Variants in DBF4 observed in about 807,000 individuals in gnomAD.
The protein encoded by DBF4 is DBF4-CDC7 kinase regulatory subunit.
DBF4 carries 25 observed loss-of-function variants against 76.6 expected under a neutral mutation model. That is an observed-to-expected ratio of 0.33 (90% CI 0.24 to 0.46). DBF4 has a LOEUF of 0.46. Ranked by LOEUF, DBF4 falls within the 20% of genes least tolerant of loss-of-function variation. DBF4 has a pLI of 1.00. For synonymous variants in DBF4, 213 were observed against 258.0 expected (o/e 0.83, Z 1.67); for missense variants, 638 against 760.8 (o/e 0.84, Z 1.90).
At chr7:87,887,467 A>G in intron 5 of DBF4, 69 bp downstream of exon 5, 1 of 1,461,150 alleles carries the variant, frequency 6.8e-7, no homozygotes. Context: ...TTGGTTCCTG[A>G]CTTTACATAG....
At chr7:87,883,690 T>C (rs532214426) in intron 2 of DBF4, among the ~76,000 whole-genome samples, 1 of 152,218 alleles carries the variant, frequency 6.6e-6, no homozygotes, top group East Asian at 1.9e-4. Context: ...CTGGTCTCAG[T>C]AGCAAATGCT....
chr7:87,876,806 C>G, intron 1 of DBF4, 28 bp downstream of exon 1: 1 of 1,612,464 alleles, frequency 6.2e-7, no homozygotes, highest in Non-Finnish European at 8.5e-7. Flanking sequence ...CGCCTGCAGT[C>G]CCTTTAATCC....
In DBF4 at chr7:87,908,177, C is replaced by G; in HGVS notation, c.*14C>G. 6.5e-7 allele frequency: 1 copy of G among 1,530,838 alleles called. No individual in the cohort carries two copies. Among genetic ancestry groups the G allele is most frequent in the Non-Finnish European group, 8.7e-7 (1 of 1,143,454 alleles). The allele number at this position is 1,530,838 out of a possible 1,614,324, so 94.8% of individuals were successfully genotyped here. On this transcript the variant is annotated 3_prime_UTR_variant, in exon 12 of 12. Transcript: ENST00000265728. ...ACTGGCTTTTAGAATTTAAAAAATGCATACTTTTCAGAAGTGATAAGGATC... is the reference window on the plus strand; with the variant it reads ...ACTGGCTTTTAGAATTTAAAAAATGGATACTTTTCAGAAGTGATAAGGATC...
In DBF4 at chr7:87,885,133, G is replaced by T. The variant is rs1237951142; in HGVS notation, c.374G>T (p.Gly125Val). 2 of 1,609,790 alleles carry T rather than the reference G, an allele frequency of 1.2e-6. No homozygotes were observed. The highest frequency in any genetic ancestry group is 1.7e-6 in the Non-Finnish European group (2 of 1,177,882). ...ETTSPHPSHDGSSFKSPDTVC... is the reference protein window; with the variant it reads ...ETTSPHPSHDVSSFKSPDTVC... ...ACTTCACCTCATCCCAGCCATGATG[G>T]AAGTTCATTTAAGTCACCAGACACA... The change falls in exon 3 of 12, where the codon GGA (glycine) becomes GTA (valine). Residue 125 changes from glycine (G) to valine (V), a missense_variant. Transcript: ENST00000265728.
intron 2 of DBF4, among the ~76,000 whole-genome samples, chr7:87,880,498 T>C (rs946816251): frequency 6.6e-6 from 1 of 152,320 alleles, no homozygotes; most frequent in African/African-American, 2.4e-5. Context: ...TCCCATACTA[T>C]CTTTTCTATA....
chr7:87,894,676 GA>G (rs925413618), intron 6 of DBF4, among the ~76,000 whole-genome samples: 2 of 152,120 alleles, frequency 1.3e-5, no homozygotes, highest in African/African-American at 4.8e-5. Flanking sequence ...ATCTTTACTG[GA>G]AAAAGAATCA....
chr7:87,909,232 A>G lies in DBF4; in HGVS notation c.*1069A>G, dbSNP rs1017369758. ...TTTGGAGAAGAGAAAATTCAAATAT[A>G]AGAAATTTCAATTTGAATCTGTGGA... On this transcript the variant is annotated 3_prime_UTR_variant, in exon 12 of 12. Coordinates refer to ENST00000265728, the MANE Select transcript of DBF4 (RefSeq NM_006716.4). 6.6e-6 allele frequency: 1 copy of G among 152,212 alleles called. No homozygotes were observed. Among genetic ancestry groups the G allele is most frequent in the Non-Finnish European group, 1.5e-5 (1 of 68,036 alleles). The allele number at this position is 152,212 out of a possible 1,614,324, so 9.4% of individuals were successfully genotyped here. A position where few individuals can be genotyped will look rare whatever the true frequency, so the allele number is the denominator to read the frequency against.
intron 9 of DBF4, 141 bp downstream of exon 9, chr7:87,900,490 G>C: frequency 9.3e-7 from 1 of 1,072,316 alleles, no homozygotes. Context: ...TTATAAGTCT[G>C]AATCTGTTTA....
chr7:87,890,492 C>A (rs1161396054), intron 6 of DBF4, among the ~76,000 whole-genome samples: 4 of 152,150 alleles, frequency 2.6e-5, no homozygotes, highest in Non-Finnish European at 5.9e-5. Context: ...GGATCACCCC[C>A]ACTGCAGTCC....
chr7:87,876,882 T>C (rs557874755), intron 1 of DBF4, 104 bp downstream of exon 1: 112 of 1,286,804 alleles, frequency 8.7e-5, no homozygotes, highest in Non-Finnish European at 1.0e-4. Context: ...CAGCTTCTTT[T>C]CTTCTGACCG....
chr7:87,900,977 A>G, intron 10 of DBF4, 99 bp downstream of exon 10: 1 of 997,608 alleles, frequency 1.0e-6, no homozygotes, highest in Non-Finnish European at 1.5e-6. Context: ...TTTACATTTT[A>G]AGAACTCAAG....
chr7:87,907,222 T>C lies in DBF4; in HGVS notation c.1084T>C (p.Ser362Pro), dbSNP rs1427823640. 3.1e-6 allele frequency: 5 copies of C among 1,608,082 alleles called. No individual in the cohort carries two copies. Among genetic ancestry groups the C allele is most frequent in the Non-Finnish European group, 4.2e-6 (5 of 1,178,560 alleles). The change falls in exon 12 of 12, where the codon TCT becomes CCT. Residue 362 changes from serine (S) to proline (P), a missense_variant. Ser to Pro is a moderately conservative substitution (Grantham distance 74, BLOSUM62 -1). Transcript: ENST00000265728. Reference sequence around the variant, plus strand: ...CAGTGTTGGATCCCTTTCTCCTGTTTCTGCAAGTGTCCTGAAAAAGACTGA... The same window carrying C: ...CAGTGTTGGATCCCTTTCTCCTGTTCCTGCAAGTGTCCTGAAAAAGACTGA... ...KYSVGSLSPV[S>P]ASVLKKTEQK...
At chr7:87,902,015 T>C (rs958464485) in intron 10 of DBF4, among the ~76,000 whole-genome samples, 3 of 152,212 alleles carry the variant, frequency 2.0e-5, no homozygotes, top group African/African-American at 7.2e-5. Flanking sequence ...CTAAAATTGC[T>C]TTTAATCAGA....
At chr7:87,900,445 GTTAT>G (rs1839748743) in intron 9 of DBF4, 96 bp downstream of exon 9, 2 of 1,351,616 alleles carry the variant, frequency 1.5e-6, no homozygotes, top group South Asian at 1.4e-5. Flanking sequence ...TGCCATAATG[GTTAT>G]TTGTGTTTGT....
chr7:87,902,591 A>G (rs1347465513), intron 10 of DBF4, among the ~76,000 whole-genome samples: 1 of 152,228 alleles, frequency 6.6e-6, no homozygotes, highest in Non-Finnish European at 1.5e-5. Flanking sequence ...AACTGAACAC[A>G]GGTGACGCTT....
chr7:87,878,308 T>G (rs1839121926), intron 2 of DBF4, 83 bp downstream of exon 2: 7 of 1,126,982 alleles, frequency 6.2e-6, no homozygotes, highest in Non-Finnish European at 8.8e-6. Context: ...ATTTTTCATT[T>G]TGGAAAACGC....
chr7:87,906,335 T>A (rs1271093478), intron 11 of DBF4, among the ~76,000 whole-genome samples: 1 of 151,520 alleles, frequency 6.6e-6, no homozygotes, highest in Non-Finnish European at 1.5e-5. Flanking sequence ...TTTTTTTTTT[T>A]TTTTTACATT....
At chr7:87,876,837 A>C in intron 1 of DBF4, 59 bp downstream of exon 1, 10 of 1,584,190 alleles carry the variant, frequency 6.3e-6, no homozygotes, top group Non-Finnish European at 8.7e-6. Context: ...TCGTGGTTCC[A>C]CCATTGATTC....
chr7:87,877,330 C>T (rs761605485), intron 1 of DBF4, among the ~76,000 whole-genome samples: 1 of 152,208 alleles, frequency 6.6e-6, no homozygotes, highest in Non-Finnish European at 1.5e-5. Context: ...AAGCAAATTT[C>T]CATTTTCAGT....
Sources: gnomAD v4.1 joint callset for allele counts (sites outside exome capture counted in the v4.1 genomes callset) on GRCh38, gnomAD v4.1.1 for gene constraint, MANE v1.5 for transcripts, NCBI Gene and HGNC (gene_info 2026-07-23, HGNC 2026-07-21) for gene names.